Variants in GABRB1 observed in about 807,000 individuals in gnomAD.
GABRB1 encodes the protein gamma-aminobutyric acid type A receptor subunit beta1, also known as gamma-aminobutyric acid receptor subunit beta-1.
GABRB1 carries 17 observed loss-of-function variants against 51.6 expected under a neutral mutation model. That is an observed-to-expected ratio of 0.33 (90% CI 0.23 to 0.49). The LOEUF is 0.49. Among genes scored for constraint, GABRB1 ranks in the 20% least tolerant of loss-of-function variants. GABRB1 has a pLI of 0.99. For synonymous variants in GABRB1, 247 were observed against 218.9 expected, an observed-to-expected ratio of 1.13 and a Z score of -1.14; for missense variants, 410 against 600.6, an observed-to-expected ratio of 0.68 and a Z score of 3.32.
intron 3 of GABRB1, among the ~76,000 whole-genome samples, chr4:47,065,148 T>C (rs1009408845): frequency 3.3e-5 from 5 of 152,168 alleles, no homozygotes; most frequent in African/African-American, 1.2e-4. Flanking sequence ...TACCTCACCA[T>C]TGGGAAAAAC....
At chr4:47,262,829 G>T (rs887582664) in intron 4 of GABRB1, among the ~76,000 whole-genome samples, 5 of 152,022 alleles carry the variant, frequency 3.3e-5, no homozygotes, top group African/African-American at 1.2e-4. Context: ...TTAAGAAAAT[G>T]TGGCACATAT....
At chr4:47,399,718 G>A (rs1728315077) in intron 5 of GABRB1, among the ~76,000 whole-genome samples, 1 of 152,130 alleles carries the variant, frequency 6.6e-6, no homozygotes, top group African/African-American at 2.4e-5. Context: ...TTTTGGCAGG[G>A]AGTAGTACTT....
upstream of GABRB1, chr4:46,993,656 G>A (rs1395396188): frequency 3.7e-6 from 2 of 539,158 alleles, no homozygotes; most frequent in Non-Finnish European, 6.7e-6. Context: ...CAATGTGTAT[G>A]TAGAGCTATG....
rs1165939097 is a variant in GABRB1 at position 47,007,866 on chromosome 4, G to GTATATATATA, written c.-20+13959_-20+13968dup. Among the ~76,000 whole-genome samples the GTATATATATA allele has an allele frequency of 7.8e-4, 39 of 49,958 alleles. 2 individuals are homozygous for GTATATATATA. The highest frequency in any genetic ancestry group is 0.026 in the Middle Eastern group (2 of 76). The allele number at this position is 49,958 out of a possible 152,430, so 32.8% of individuals were successfully genotyped here. A position where few individuals can be genotyped will look rare whatever the true frequency, so the allele number is the denominator to read the frequency against. ...TTAAAGGACGTATACCTTGGAACTG[G>GTATATATATA]TATATATATATATATATATATATAT... On this transcript the variant is annotated intron_variant, in intron 1 of 3. Transcript: ENST00000513567.
intron 5 of GABRB1, among the ~76,000 whole-genome samples, chr4:47,385,397 A>G (rs1293892224): frequency 6.6e-6 from 1 of 152,132 alleles, no homozygotes; most frequent in African/African-American, 2.4e-5. Flanking sequence ...TTCATTTCTC[A>G]CCTGAGATTA....
chr4:47,009,663 T>C (rs1392076641), intron 1 of GABRB1, among the ~76,000 whole-genome samples: 1 of 152,196 alleles, frequency 6.6e-6, no homozygotes, highest in Non-Finnish European at 1.5e-5. Flanking sequence ...GTGGATTATC[T>C]CCAAAGGTAC....
At chr4:47,376,368 C>T (rs959859531) in intron 5 of GABRB1, among the ~76,000 whole-genome samples, 1 of 152,188 alleles carries the variant, frequency 6.6e-6, no homozygotes, top group African/African-American at 2.4e-5. Context: ...ATAGATGGGC[C>T]GGGCGCAGTG....
rs200129765 is a variant in GABRB1, at chr4:47,425,852, G to C, written c.1259G>C (p.Arg420Pro). Residue 420 changes from arginine to proline, a missense_variant, in exon 9 of 9, where the codon CGG (arginine) becomes CCG (proline). Coordinates refer to ENST00000295454, the MANE Select transcript of GABRB1 (RefSeq NM_000812.4). ...SREAYGRALD[R>P]HGVPSKGRIR... is the part of the protein sequence containing the mutation. ...GAGGCCTACGGGCGCGCCCTGGACC[G>C]GCACGGGGTACCCAGCAAGGGGCGC... 11 of 1,614,074 alleles carry C rather than the reference G, an allele frequency of 6.8e-6. No homozygotes were observed. In the East Asian group the frequency reaches 2.0e-4, roughly 29 times the overall value.
chr4:47,272,526 C>T (rs1722912408), intron 4 of GABRB1, among the ~76,000 whole-genome samples: 1 of 151,772 alleles, frequency 6.6e-6, no homozygotes, highest in Non-Finnish European at 1.5e-5. Flanking sequence ...TCTATATTAA[C>T]TAAATAAATT....
chr4:47,082,715 G>T (rs984287246), intron 3 of GABRB1, among the ~76,000 whole-genome samples: 3 of 151,970 alleles, frequency 2.0e-5, no homozygotes, highest in Non-Finnish European at 2.9e-5. Context: ...GGGGTATACT[G>T]TTTCTAAAGT....
intron 4 of GABRB1, among the ~76,000 whole-genome samples, chr4:47,200,132 G>A (rs1057376106): frequency 6.6e-6 from 1 of 152,204 alleles, no homozygotes; most frequent in African/African-American, 2.4e-5. Flanking sequence ...GTGAGAACAT[G>A]TATGAGATAA....
chr4:47,276,611 A>C (rs982462457), intron 4 of GABRB1, among the ~76,000 whole-genome samples: 3 of 152,174 alleles, frequency 2.0e-5, no homozygotes, highest in Non-Finnish European at 2.9e-5. Flanking sequence ...CCCTCATTTT[A>C]CAGATCAAAA....
At chr4:47,387,244 C>A (rs1226912611) in intron 5 of GABRB1, among the ~76,000 whole-genome samples, 1 of 152,168 alleles carries the variant, frequency 6.6e-6, no homozygotes, top group Admixed American at 6.5e-5. Flanking sequence ...GGTGGATCAC[C>A]TGAGGTCAGA....
chr4:47,229,901 G>T (rs954251257), intron 4 of GABRB1, among the ~76,000 whole-genome samples: 2 of 152,080 alleles, frequency 1.3e-5, no homozygotes, highest in Non-Finnish European at 2.9e-5. Context: ...TCAAAATCTT[G>T]ATTTCAGGAT....
chr4:47,022,430 A>C (rs1224134864), intron 1 of GABRB1, among the ~76,000 whole-genome samples: 2 of 152,108 alleles, frequency 1.3e-5, no homozygotes, highest in Non-Finnish European at 2.9e-5. Context: ...TGGCCAAAAG[A>C]ATGACAAATT....
intron 4 of GABRB1, among the ~76,000 whole-genome samples, chr4:47,273,622 G>T (rs963557236): frequency 1.3e-5 from 2 of 152,048 alleles, no homozygotes; most frequent in African/African-American, 2.4e-5. Context: ...GTCATGGGCT[G>T]TACTAGGCTG....
chr4:47,043,484 A>G (rs1390795864), intron 3 of GABRB1: 1 of 152,024 alleles, frequency 6.6e-6, no homozygotes, highest in East Asian at 1.9e-4. Flanking sequence ...CATCTGTTCT[A>G]TTGTGTTCAA....
intron 4 of GABRB1, among the ~76,000 whole-genome samples, chr4:47,266,638 A>ATT (rs1722653653): frequency 6.6e-6 from 1 of 152,190 alleles, no homozygotes; most frequent in Non-Finnish European, 1.5e-5. Flanking sequence ...TGGTCTGAAA[A>ATT]GATATTCAAT....
At chr4:47,325,654 AC>A (rs1368000610) in intron 5 of GABRB1, among the ~76,000 whole-genome samples, 1 of 152,010 alleles carries the variant, frequency 6.6e-6, no homozygotes, top group Non-Finnish European at 1.5e-5. Context: ...CATCATCATA[AC>A]TTTCTCGTTT....
Sources: gnomAD v4.1 joint callset for allele counts (sites outside exome capture counted in the v4.1 genomes callset) on GRCh38, gnomAD v4.1.1 for gene constraint, MANE v1.5 for transcripts, NCBI Gene and HGNC (gene_info 2026-07-23, HGNC 2026-07-21) for gene names.